CDH13: variants seen among roughly 807,000 people sequenced by gnomAD.
CDH13 encodes cadherin 13.
Under a neutral mutation model 63.8 loss-of-function variants are expected in CDH13, and 24 were observed. The ratio of observed to expected loss-of-function variants is 0.38; its 90% CI spans 0.27 to 0.53. The LOEUF is 0.53. Ranked by LOEUF, CDH13 falls within the 20% of genes least tolerant of loss-of-function variation. The probability of loss-of-function intolerance (pLI) is 0.85; values close to 1 mark genes in which losing one functional copy is unlikely to be tolerated. For synonymous variants in CDH13, 503 were observed against 355.3 expected (o/e 1.42, Z -4.67); for missense variants, 1,049 against 903.1 (o/e 1.16, Z -2.07).
intron 2 of CDH13, among the ~76,000 whole-genome samples, chr16:82,889,993 C>A (rs1401341167): frequency 6.6e-6 from 1 of 152,180 alleles, no homozygotes; most frequent in East Asian, 1.9e-4. Flanking sequence ...TCTCCCAGTA[C>A]TTTGTTTTTG....
intron 5 of CDH13, among the ~76,000 whole-genome samples, chr16:83,246,483 A>T (rs556924344): frequency 6.6e-6 from 1 of 152,150 alleles, no homozygotes; most frequent in South Asian, 2.1e-4. Flanking sequence ...TCTTAATCCT[A>T]TCATTGGCCT....
intron 10 of CDH13, among the ~76,000 whole-genome samples, chr16:83,714,980 G>C (rs555625843): frequency 6.6e-6 from 1 of 152,158 alleles, no homozygotes; most frequent in Non-Finnish European, 1.5e-5. Flanking sequence ...TGCGAGCTCA[G>C]GTACTTGTTA....
chr16:83,033,624 A>G (rs1916583144), intron 3 of CDH13, among the ~76,000 whole-genome samples: 1 of 152,086 alleles, frequency 6.6e-6, no homozygotes, highest in Admixed American at 6.6e-5. Context: ...GTTCCCTTCC[A>G]CAGGCACATG....
rs369093763 is a variant in CDH13 at position 83,678,465 on chromosome 16, G to T, written c.1538+4G>T. 1.1e-5 allele frequency: 18 copies of T among 1,613,698 alleles called. No homozygotes were observed. The highest frequency in any genetic ancestry group is 2.2e-5 in the East Asian group (1 of 44,882). The stretch of plus-strand genomic sequence containing the variant: ...CCCTGCAGCATCAAACCATCAGGTG[G>T]GTGAGTGGCTCCGGAACCACAGACG... On this transcript the variant is annotated splice_donor_region_variant and intron_variant, in intron 10 of 13. Coordinates refer to ENST00000567109, the MANE Select transcript of CDH13 (RefSeq NM_001257.5).
At chr16:82,735,945 C>T (rs530211452) in intron 1 of CDH13, among the ~76,000 whole-genome samples, 1 of 152,212 alleles carries the variant, frequency 6.6e-6, no homozygotes, top group Non-Finnish European at 1.5e-5. Flanking sequence ...GCTATACTCA[C>T]TAGGCTGATT....
intron 3 of CDH13, among the ~76,000 whole-genome samples, chr16:83,106,605 A>C (rs531498497): frequency 1.3e-5 from 2 of 152,210 alleles, no homozygotes; most frequent in African/African-American, 4.8e-5. Flanking sequence ...GATTTAATAC[A>C]TGTTGATACA....
chr16:83,466,592 C>G (rs1169621670), intron 6 of CDH13, among the ~76,000 whole-genome samples: 1 of 152,176 alleles, frequency 6.6e-6, no homozygotes, highest in Non-Finnish European at 1.5e-5. Flanking sequence ...TTCATCAACC[C>G]AAAACTCAGG....
At chr16:83,140,115 G>C (rs1247973730) in intron 4 of CDH13, among the ~76,000 whole-genome samples, 1 of 152,178 alleles carries the variant, frequency 6.6e-6, no homozygotes, top group Admixed American at 6.5e-5. Context: ...CACAGCATCA[G>C]GCTGTACCAC....
chr16:82,959,024 A>AT (rs779986614), intron 2 of CDH13, among the ~76,000 whole-genome samples: 29 of 152,226 alleles, frequency 1.9e-4, no homozygotes, highest in Non-Finnish European at 3.5e-4. Context: ...ATCAGACAGT[A>AT]TTTTGGCGAG....
chr16:82,732,770 T>G (rs1223756187), intron 1 of CDH13, among the ~76,000 whole-genome samples: 1 of 152,206 alleles, frequency 6.6e-6, no homozygotes, highest in African/African-American at 2.4e-5. Context: ...GCTCATGTTT[T>G]CAGGAACACT....
intron 4 of CDH13, among the ~76,000 whole-genome samples, chr16:83,202,592 A>G (rs1567502955): frequency 6.6e-6 from 1 of 152,170 alleles, no homozygotes; most frequent in Non-Finnish European, 1.5e-5. Flanking sequence ...TATTTTTGAT[A>G]CTATTTACAT....
chr16:83,073,952 T>C (rs977481309), intron 3 of CDH13, among the ~76,000 whole-genome samples: 5 of 152,212 alleles, frequency 3.3e-5, no homozygotes, highest in African/African-American at 1.2e-4. Flanking sequence ...GAATTTAGAA[T>C]ATCCATCATC....
intron 2 of CDH13, among the ~76,000 whole-genome samples, chr16:82,887,705 C>T (rs867426045): frequency 6.6e-6 from 1 of 152,158 alleles, no homozygotes; most frequent in African/African-American, 2.4e-5. Context: ...CCTGTAGTCC[C>T]AGCTACTCTG....
chr16:83,079,213 C>G (rs2033066225), intron 3 of CDH13, among the ~76,000 whole-genome samples: 1 of 152,206 alleles, frequency 6.6e-6, no homozygotes, highest in African/African-American at 2.4e-5. Context: ...GGCTACTCAG[C>G]TATACCAGAA....
At chr16:83,788,105 A>T (rs1257715390) in intron 13 of CDH13, among the ~76,000 whole-genome samples, 2 of 152,226 alleles carry the variant, frequency 1.3e-5, no homozygotes, top group Non-Finnish European at 2.9e-5. Flanking sequence ...ACGTGTGTGT[A>T]CCCAGAAAGT....
chr16:82,720,947 T>A (rs1234230903), intron 1 of CDH13, among the ~76,000 whole-genome samples: 1 of 152,192 alleles, frequency 6.6e-6, no homozygotes, highest in East Asian at 1.9e-4. Context: ...TGAGGTTTAC[T>A]GGAGAAGGGA....
chr16:83,426,086 A>C (rs191962952), intron 6 of CDH13, among the ~76,000 whole-genome samples: 1 of 152,274 alleles, frequency 6.6e-6, no homozygotes, highest in East Asian at 1.9e-4. Flanking sequence ...TAGGAGGAGA[A>C]ATCAGTATTC....
At chr16:83,255,207 T>C (rs975813861) in intron 5 of CDH13, among the ~76,000 whole-genome samples, 1 of 152,172 alleles carries the variant, frequency 6.6e-6, no homozygotes, top group Non-Finnish European at 1.5e-5. Context: ...GTGCCAAGTA[T>C]GGGCACATTA....
chr16:83,335,536 C>G (rs1297340125), intron 5 of CDH13, among the ~76,000 whole-genome samples: 1 of 151,908 alleles, frequency 6.6e-6, no homozygotes, highest in Non-Finnish European at 1.5e-5. Context: ...GGGAGGAGAC[C>G]ATCCCTCATA....
Sources: gnomAD v4.1 joint callset for allele counts (sites outside exome capture counted in the v4.1 genomes callset) on GRCh38, gnomAD v4.1.1 for gene constraint, MANE v1.5 for transcripts, NCBI Gene and HGNC (gene_info 2026-07-23, HGNC 2026-07-21) for gene names.